The following CD163 variants were observed in gnomAD, a reference collection of about 807,000 sequenced individuals.
The protein encoded by CD163 is scavenger receptor cysteine-rich type 1 protein M130.
CD163 carries 64 observed loss-of-function variants against 129.2 expected under a neutral mutation model. The observed-to-expected ratio is 0.50, with a 90% CI of 0.41 to 0.61. The LOEUF (loss-of-function observed/expected upper bound fraction) is 0.61. CD163 is among the 20% of genes least tolerant of loss of function. The probability of loss-of-function intolerance (pLI) is 0.00; values close to 1 mark genes in which losing one functional copy is unlikely to be tolerated. For missense variants in CD163, 1,061 were observed against 1,377.9 expected (o/e 0.77, Z 3.64); for synonymous variants, 446 against 478.5 (o/e 0.93, Z 0.89).
chr12:7,497,118 C>G lies in CD163; in HGVS notation c.794G>C (p.Ser265Thr), dbSNP rs756936409. The change falls in exon 5 of 17, where the codon AGC (serine) becomes ACC (threonine). Residue 265 changes from serine to threonine, a missense_variant. Ser to Thr is a moderately conservative substitution (Grantham distance 58). Coordinates refer to ENST00000432237, the MANE Select transcript of CD163 (RefSeq NM_203416.4). ...AGTGACTCCATCTACCAGTCTCAGG[C>G]TCAGATCTGCTCCCTCTGTAACAGA... The part of the protein sequence containing the change: ...GVICSKGADL[S>T]LRLVDGVTEC... 17 of 1,613,520 alleles carry G rather than the reference C, an allele frequency of 1.1e-5. No homozygotes were observed. The highest frequency in any genetic ancestry group is 1.3e-5 in the Non-Finnish European group (15 of 1,179,854).
chr12:7,496,976 G>A lies in CD163; in HGVS notation c.936C>T (p.Ala312=), dbSNP rs749090106. The A allele has an allele frequency of 2.9e-5, 46 of 1,613,978 alleles. No individual in the cohort carries two copies. The South Asian group carries it at 3.0e-4, about 10-fold the overall frequency. The change falls in exon 5 of 17, where the codon GCC becomes GCT. Residue 312 remains alanine (A), a synonymous_variant. Transcript: ENST00000432237. This position sits in a 1 kb window ranked among gnomAD's most constrained non-coding sequence, Gnocchi z 4.8. ...VACKQLGCPT[A]VTAIGRVNAS... ...CGTTAACTCGACCAATGGCTGTGAC[G>A]GCAGTTGGACATCCCAGTTGCTTGC...
At chr12:7,473,637 C>G (rs1323499774) in intron 16 of CD163, among the ~76,000 whole-genome samples, 4 of 152,130 alleles carry the variant, frequency 2.6e-5, no homozygotes, top group Admixed American at 6.5e-5. Context: ...AATATAAAGA[C>G]CAATGATACT....
chr12:7,481,642 T>C (rs765826967), intron 14 of CD163, among the ~76,000 whole-genome samples: 2 of 152,320 alleles, frequency 1.3e-5, no homozygotes, highest in African/African-American at 4.8e-5. Flanking sequence ...GTCAGTCAAG[T>C]GGTCCTCCTT....
Position 7,499,174 on chromosome 12 carries a change from C to T in CD163, c.472G>A (p.Glu158Lys). 1 of 1,610,656 alleles carries T rather than the reference C, an allele frequency of 6.2e-7. No individual in the cohort carries two copies. The highest frequency in any genetic ancestry group is 8.5e-7 in the Non-Finnish European group (1 of 1,178,828). Residue 158 changes from glutamate to lysine, a missense_variant, in exon 4 of 17, where the codon GAA (glutamate) becomes AAA (lysine). Glu to Lys is a moderately conservative substitution (Grantham distance 56, BLOSUM62 1). Transcript: ENST00000432237. ...TTCCCTCCACGCGTCAGCCTCATTT[C>T]CAAATTGGATCCATCTGGAGCAGAG... ...GVTCSDGSNL[E>K]MRLTRGGNMC...
rs1490894669 is a variant in CD163, at chr12:7,485,152, G to A, written c.2723C>T (p.Ser908Phe). Residue 908 changes from serine (S) to phenylalanine (F), a missense_variant, in exon 11 of 17, where the codon TCT (serine) becomes TTT (phenylalanine). Ser to Phe is a radical substitution (Grantham distance 155, BLOSUM62 -2). Transcript: ENST00000432237. The surrounding 1 kb of genome is among the most constrained non-coding windows in gnomAD (Gnocchi z 4.5). ...GPDTLWQCPS[S>F]PWEKRLASPS... ...GCTGGCCAGTCTCTTCTCCCATGGAGATGATGGGCACTGCCACAGCGTGTC... is the reference window on the plus strand; with the variant it reads ...GCTGGCCAGTCTCTTCTCCCATGGAAATGATGGGCACTGCCACAGCGTGTC... 1.9e-6 allele frequency: 3 copies of A among 1,614,032 alleles called. No homozygotes were observed. Among genetic ancestry groups the A allele is most frequent in the Non-Finnish European group, 2.5e-6 (3 of 1,179,920 alleles).
intron 16 of CD163, among the ~76,000 whole-genome samples, chr12:7,474,899 C>A (rs188976038): frequency 6.6e-6 from 1 of 151,870 alleles, no homozygotes; most frequent in Admixed American, 6.6e-5. Flanking sequence ...GGGATATCAC[C>A]GCTGATCCCA....
At chr12:7,477,954 T>A (rs1356691148) in intron 16 of CD163, among the ~76,000 whole-genome samples, 1 of 152,198 alleles carries the variant, frequency 6.6e-6, no homozygotes, top group Non-Finnish European at 1.5e-5. Flanking sequence ...AGCTTCTTTA[T>A]GCACATATGA....
At chr12:7,476,325 T>A (rs942831569) in intron 16 of CD163, among the ~76,000 whole-genome samples, 1 of 152,192 alleles carries the variant, frequency 6.6e-6, no homozygotes, top group African/African-American at 2.4e-5. Context: ...TCACGCTATC[T>A]GACTTCAAAC....
At chr12:7,490,003 G>T (rs1949306876) in intron 6 of CD163, among the ~76,000 whole-genome samples, 1 of 151,864 alleles carries the variant, frequency 6.6e-6, no homozygotes, top group African/African-American at 2.4e-5. Flanking sequence ...ATATACCTAG[G>T]AAAAGGCTAC....
intron 3 of CD163, among the ~76,000 whole-genome samples, chr12:7,500,627 T>A (rs1358817750): frequency 1.3e-5 from 2 of 152,082 alleles, no homozygotes. Context: ...ATGACTAGCA[T>A]TGCACACTGG....
At chr12:7,480,301 T>A (rs1949144713) in intron 15 of CD163, 1 of 226,082 alleles carries the variant, frequency 4.4e-6, no homozygotes, top group Non-Finnish European at 8.5e-6. Context: ...TTGGGATATT[T>A]CTTCCAACCC....
chr12:7,484,109 T>C (rs964714501), intron 11 of CD163, among the ~76,000 whole-genome samples: 3 of 151,708 alleles, frequency 2.0e-5, no homozygotes, highest in African/African-American at 4.8e-5. Context: ...CAAAGTCCGA[T>C]TACAGGCGTG....
At chr12:7,483,199 TG>T in intron 12 of CD163, 167 bp downstream of exon 12, 1 of 782,014 alleles carries the variant, frequency 1.3e-6, no homozygotes. Context: ...TGAAGGCCGT[TG>T]TATAACAATT....
At chr12:7,497,863 C>T (rs756917235) in intron 4 of CD163, among the ~76,000 whole-genome samples, 1 of 152,190 alleles carries the variant, frequency 6.6e-6, no homozygotes, top group South Asian at 2.1e-4. Flanking sequence ...TTTTCTACTC[C>T]AAATTCTTCA....
In CD163 at chr12:7,483,600, GT is replaced by G; in HGVS notation, c.2854del (p.Thr952GlnfsTer25). On this transcript the variant is annotated frameshift_variant, in exon 12 of 17. Transcript: ENST00000432237. LOFTEE classifies it high-confidence loss of function. ...VEIWHGGSWG[T>X]VCDDSWDLDD... ...CAAGTCCCAAGAGTCATCACACACTGTCCCCCAGGAACCTCCATGCCAGATC... is the reference window on the plus strand; with the variant it reads ...CAAGTCCCAAGAGTCATCACACACTGCCCCCAGGAACCTCCATGCCAGATC... The G allele has an allele frequency of 6.2e-7, 1 of 1,613,024 alleles. No individual in the cohort carries two copies. Among genetic ancestry groups the G allele is most frequent in the Non-Finnish European group, 8.5e-7 (1 of 1,179,734 alleles).
Position 7,499,078 on chromosome 12 carries a change from T to C in CD163, c.568A>G (p.Ile190Val), listed in dbSNP as rs1226561546. Residue 190 changes from isoleucine to valine, a missense_variant, in exon 4 of 17, where the codon ATA becomes GTA. Physicochemically the swap from Ile to Val is conservative, Grantham distance 29. Coordinates refer to ENST00000432237, the MANE Select transcript of CD163 (RefSeq NM_203416.4). Reference protein sequence around the residue: ...WGTVCDDNFNIDHASVICRQL... With the variant: ...WGTVCDDNFNVDHASVICRQL... ...CTACAAATGACAGATGCATGATCTA[T>C]GTTGAAGTTATCATCACACACTGTT... 1.2e-6 allele frequency: 2 copies of C among 1,614,186 alleles called. No homozygotes were observed. The highest frequency in any genetic ancestry group is 1.1e-5 in the South Asian group (1 of 91,086).
Position 7,481,190 on chromosome 12 carries a change from G to A in CD163, c.3314C>T (p.Ala1105Val), listed in dbSNP as rs1949157102. The A allele has an allele frequency of 6.2e-7, 1 of 1,613,818 alleles. No homozygotes were observed. The highest frequency in any genetic ancestry group is 8.5e-7 in the Non-Finnish European group (1 of 1,179,834). ...QYREMNSCLN[A>V]DDLDLMNSSG... ...GGAATTCATTAGGTCCAGATCATCT[G>A]CATTCAGGCAAGAATTCATCTCCCG... Residue 1105 changes from alanine to valine, a missense_variant, in exon 15 of 17, where the codon GCA (alanine) becomes GTA (valine). Physicochemically the swap from Ala to Val is moderately conservative, Grantham distance 64. Transcript: ENST00000432237.
At chr12:7,479,940 A>C (rs1949139740) in intron 15 of CD163, 27 bp from the exon 16 acceptor site, 2 of 1,612,726 alleles carry the variant, frequency 1.2e-6, no homozygotes, top group Non-Finnish European at 1.7e-6. Context: ...ATAGGAAGAA[A>C]TTTAGACACA....
At position 7,487,685 on chromosome 12, in the gene CD163, C is replaced by G; in HGVS notation, c.1736-12G>C. On this transcript the variant is annotated splice_polypyrimidine_tract_variant and intron_variant, in intron 7 of 16. Coordinates refer to ENST00000432237, the MANE Select transcript of CD163 (RefSeq NM_203416.4). The surrounding 1 kb of genome is among the most constrained non-coding windows in gnomAD (Gnocchi z 5.1). ...AATTTCTGTGTATCCTGGAAGGAGA[C>G]AGGGCTTTAGAAAAAGACAGCTATG... is the stretch of plus-strand genomic sequence containing the variant. 1.9e-6 allele frequency: 3 copies of G among 1,614,142 alleles called. No individual in the cohort carries two copies. Among genetic ancestry groups the G allele is most frequent in the Non-Finnish European group, 2.5e-6 (3 of 1,180,020 alleles).
Sources: gnomAD v4.1 joint callset for allele counts (sites outside exome capture counted in the v4.1 genomes callset) on GRCh38, gnomAD v4.1.1 for gene constraint, Gnocchi (gnomAD v3.1) non-coding constraint, MANE v1.5 for transcripts, NCBI Gene and HGNC (gene_info 2026-07-23, HGNC 2026-07-21) for gene names.